The following NHEJ1 variants were observed in gnomAD, a reference collection of about 807,000 sequenced individuals.
NHEJ1 encodes non-homologous end-joining factor 1.
NHEJ1 carries 22 observed loss-of-function variants against 39.4 expected under a neutral mutation model. That is an observed-to-expected ratio of 0.56 (90% CI 0.40 to 0.80). The LOEUF (loss-of-function observed/expected upper bound fraction) is 0.80, where lower values mean the gene tolerates loss of function less well. NHEJ1 is among the 30% of genes least tolerant of loss of function. NHEJ1 has a pLI of 0.00. For missense variants in NHEJ1, 329 were observed against 357.1 expected (o/e 0.92, Z 0.63); for synonymous variants, 154 against 135.6 (o/e 1.14, Z -0.94).
At chr2:219,113,748 C>T (rs1949386493) in intron 5 of NHEJ1, among the ~76,000 whole-genome samples, 1 of 152,134 alleles carries the variant, frequency 6.6e-6, no homozygotes, top group Non-Finnish European at 1.5e-5. Flanking sequence ...AGATCCTTGG[C>T]AAACCTATTA....
rs747075100 is a variant in NHEJ1 at position 219,076,380 on chromosome 2, A to G, written c.*1T>C. The G allele has an allele frequency of 6.2e-7, 1 of 1,614,092 alleles. No homozygotes were observed. Among genetic ancestry groups the G allele is most frequent in the South Asian group, 1.1e-5 (1 of 91,080 alleles). On this transcript the variant is annotated 3_prime_UTR_variant, in exon 8 of 8. Transcript: ENST00000356853. ...TCCTCAGCAGCTGAGGCCACAACAG[A>G]TTAACTGAAGAGACCCCTTGGCTTC...
chr2:219,091,709 G>A (rs563410772), intron 5 of NHEJ1, among the ~76,000 whole-genome samples: 2 of 152,296 alleles, frequency 1.3e-5, no homozygotes, highest in South Asian at 4.1e-4. Context: ...CTGAGGAAAC[G>A]CCAAGGGGAC....
rs57278522 is a variant in NHEJ1, at chr2:219,101,970, C to T, written c.589-23764G>A. On this transcript the variant is annotated intron_variant, in intron 5 of 7. Coordinates refer to ENST00000356853, the MANE Select transcript of NHEJ1 (RefSeq NM_024782.3). The stretch of plus-strand genomic sequence containing the variant: ...CGATCTCCTGACCTCGTGATCCGCC[C>T]GCCTCGGCTTCCCAAAGTGCTGGAA... Among the ~76,000 whole-genome samples the T allele has an allele frequency of 3.3e-3, 485 of 148,038 alleles. 4 individuals are homozygous for T. Among genetic ancestry groups the T allele is most frequent in the African/African-American group, 0.011 (437 of 40,114 alleles).
At chr2:219,105,076 G>A (rs6729662) in intron 5 of NHEJ1, among the ~76,000 whole-genome samples, 86,992 of 151,778 alleles carry the variant, frequency 0.57, 26,198 homozygotes, top group Non-Finnish European at 0.67. Flanking sequence ...GATTGAGAGG[G>A]GGATATTCTG....
At chr2:219,125,031 T>TG (rs2106347370) in intron 5 of NHEJ1, among the ~76,000 whole-genome samples, 1 of 152,144 alleles carries the variant, frequency 6.6e-6, no homozygotes, top group Admixed American at 6.5e-5. Flanking sequence ...CAACCATGCT[T>TG]GGCAAAGAGC....
At chr2:219,091,030 C>G (rs1249358364) in intron 5 of NHEJ1, among the ~76,000 whole-genome samples, 1 of 152,178 alleles carries the variant, frequency 6.6e-6, no homozygotes, top group East Asian at 1.9e-4. Flanking sequence ...ATTCATCTAG[C>G]AAATATAAGT....
intron 1 of NHEJ1, chr2:219,158,675 T>C (rs1357369841): frequency 2.0e-5 from 8 of 400,512 alleles, no homozygotes; most frequent in Non-Finnish European, 3.7e-5. Context: ...TCTAATACTA[T>C]AACATAACGT....
intron 3 of NHEJ1, among the ~76,000 whole-genome samples, chr2:219,155,490 G>A (rs1042502379): frequency 1.3e-5 from 2 of 151,542 alleles, no homozygotes; most frequent in Non-Finnish European, 2.9e-5. Flanking sequence ...TTTGCAAGAT[G>A]GAAAAGTTCA....
chr2:219,157,991 T>TCTCTCA (rs1179798749), intron 2 of NHEJ1, among the ~76,000 whole-genome samples, 195 bp downstream of exon 2: 5 of 99,176 alleles, frequency 5.0e-5, no homozygotes, highest in Admixed American at 2.0e-4. Context: ...TCTCTCTCTC[T>TCTCTCA]CACACACACA....
chr2:219,090,226 T>A (rs1487170009), intron 5 of NHEJ1, among the ~76,000 whole-genome samples: 2 of 152,178 alleles, frequency 1.3e-5, no homozygotes, highest in African/African-American at 2.4e-5. Flanking sequence ...ATCACTTTAT[T>A]CCAGCAAAAA....
At chr2:219,081,161 A>G (rs1574700585) in intron 5 of NHEJ1, among the ~76,000 whole-genome samples, 1 of 151,998 alleles carries the variant, frequency 6.6e-6, no homozygotes, top group African/African-American at 2.4e-5. Flanking sequence ...GAGAGACCAT[A>G]CTCTTAATCC....
chr2:219,125,911 C>T (rs555095427), intron 5 of NHEJ1, among the ~76,000 whole-genome samples: 5 of 152,308 alleles, frequency 3.3e-5, no homozygotes, highest in African/African-American at 1.2e-4. Flanking sequence ...CAGCAAGTAT[C>T]CCCCCAGTTC....
intron 5 of NHEJ1, among the ~76,000 whole-genome samples, chr2:219,080,694 T>TATATGCTA (rs1491135617): frequency 3.7e-3 from 97 of 26,452 alleles, no homozygotes; most frequent in Admixed American, 9.5e-3. Context: ...TATATGCTTA[T>TATATGCTA]ATATATATAT....
chr2:219,159,554 T>TATATATGCATATATATATATGC lies in NHEJ1; in HGVS notation c.-1+1165_-1+1166insGCATATATATATATGCATATAT, dbSNP rs1553549828. 1.6e-4 allele frequency among the ~76,000 whole-genome samples: 9 copies of TATATATGCATATATATATATGC among 56,328 alleles called. 1 individual carries two copies. The highest frequency in any genetic ancestry group is 3.8e-4 in the Admixed American group (2 of 5,214). 37.0% of individuals were successfully genotyped at this position (56,328 alleles called of 152,430 possible). On this transcript the variant is annotated intron_variant, in intron 1 of 7. Transcript: ENST00000356853. ...ATATATATGCATATATATATATGCA[T>TATATATGCATATATATATATGC]ATATATATGCATATATATATGCATA...
intron 5 of NHEJ1, among the ~76,000 whole-genome samples, chr2:219,085,203 CAGAGAAA>C (rs1054943202): frequency 1.3e-5 from 2 of 152,180 alleles, no homozygotes; most frequent in African/African-American, 4.8e-5. Context: ...ACTACTAGGA[CAGAGAAA>C]AGAGATAGGG....
intron 5 of NHEJ1, chr2:219,102,336 GAGA>G (rs1949269342): frequency 6.6e-6 from 1 of 152,142 alleles, no homozygotes; most frequent in South Asian, 2.1e-4. Flanking sequence ...CAACTAATAG[GAGA>G]AGATCAACTC....
chr2:219,109,065 A>ATC (rs1251332316), intron 5 of NHEJ1, among the ~76,000 whole-genome samples: 1 of 152,228 alleles, frequency 6.6e-6, no homozygotes, highest in South Asian at 2.1e-4. Context: ...AGAGTGAGAT[A>ATC]TCTCTTTCTT....
rs928735109 is a variant in NHEJ1, at chr2:219,151,371, A to G, written c.391-3576T>C. On this transcript the variant is annotated intron_variant, in intron 3 of 7. Coordinates refer to ENST00000356853, the MANE Select transcript of NHEJ1 (RefSeq NM_024782.3). ...GCAATTTCCTCGAGTGACAGTAAAT[A>G]TTGTATAAAAACATGAAACATGACA... Among the ~76,000 whole-genome samples, 9 of 152,324 alleles carry G rather than the reference A, an allele frequency of 5.9e-5. No individual in the cohort carries two copies. The East Asian group carries it at 1.7e-3, about 29-fold the overall frequency.
intron 5 of NHEJ1, among the ~76,000 whole-genome samples, chr2:219,133,045 C>T (rs972743769): frequency 6.6e-6 from 1 of 152,164 alleles, no homozygotes; most frequent in African/African-American, 2.4e-5. Flanking sequence ...AGATCTCCCA[C>T]ACTGAATGAA....
Sources: gnomAD v4.1 joint callset for allele counts (sites outside exome capture counted in the v4.1 genomes callset) on GRCh38, gnomAD v4.1.1 for gene constraint, MANE v1.5 for transcripts, NCBI Gene and HGNC (gene_info 2026-07-23, HGNC 2026-07-21) for gene names.